The following PRKDC variants were observed in gnomAD, a reference collection of about 807,000 sequenced individuals.
The protein encoded by PRKDC is protein kinase, DNA-activated, catalytic subunit, also known as DNA-dependent protein kinase catalytic subunit.
A neutral mutation model predicts 486.9 loss-of-function variants in PRKDC; 82 were observed. The observed-to-expected ratio is 0.17, with a 90% CI of 0.14 to 0.20. PRKDC has a LOEUF of 0.20. Among genes scored for constraint, PRKDC ranks in the 10% least tolerant of loss-of-function variants. PRKDC has a pLI of 1.00. For missense variants in PRKDC, 4,504 were observed against 5,038.2 expected, an observed-to-expected ratio of 0.89 and a Z score of 3.21; for synonymous variants, 1,895 against 1,837.0, an observed-to-expected ratio of 1.03 and a Z score of -0.81.
intron 21 of PRKDC, among the ~76,000 whole-genome samples, chr8:47,919,007 A>G (rs1018720588): frequency 1.3e-5 from 2 of 152,008 alleles, no homozygotes; most frequent in Non-Finnish European, 2.9e-5. Context: ...TGGAGAGTAT[A>G]TAACTTCTTT....
chr8:47,940,600 C>T lies in PRKDC; in HGVS notation c.967-903G>A, dbSNP rs183887829. ...TAATTTCCTTCTTCACAAAACATATCATAAATGTTTCTCAAGAAGTAAACA... is the reference window on the plus strand; with the variant it reads ...TAATTTCCTTCTTCACAAAACATATTATAAATGTTTCTCAAGAAGTAAACA... On this transcript the variant is annotated intron_variant, in intron 10 of 85. Coordinates refer to ENST00000314191, the MANE Select transcript of PRKDC (RefSeq NM_006904.7). Among the ~76,000 whole-genome samples, 36 of 152,308 alleles carry T rather than the reference C, an allele frequency of 2.4e-4. No homozygotes were observed. In the East Asian group the frequency reaches 6.0e-3, roughly 25 times the overall value.
At chr8:47,859,473 T>C (rs965904039) in intron 46 of PRKDC, 138 bp downstream of exon 46, 35 of 1,035,824 alleles carry the variant, frequency 3.4e-5, no homozygotes, top group Non-Finnish European at 4.8e-5. Context: ...TCTTGGAAAA[T>C]TCTCCAAATT....
At chr8:47,837,626 A>T (rs568602145) in intron 56 of PRKDC, among the ~76,000 whole-genome samples, 24 of 151,954 alleles carry the variant, frequency 1.6e-4, no homozygotes, top group Non-Finnish European at 2.5e-4. Context: ...AAAATGTAGC[A>T]TATTTTTTAT....
chr8:47,886,512 C>A (rs578176675), intron 35 of PRKDC, among the ~76,000 whole-genome samples: 1 of 151,896 alleles, frequency 6.6e-6, no homozygotes, highest in Non-Finnish European at 1.5e-5. Flanking sequence ...GGCCTCAGCA[C>A]CCCCGAGTAT....
intron 21 of PRKDC, among the ~76,000 whole-genome samples, chr8:47,923,253 C>T (rs1267664286): frequency 6.6e-6 from 1 of 151,900 alleles, no homozygotes; most frequent in African/African-American, 2.4e-5. Flanking sequence ...TTAGTAGAGA[C>T]ACGGTTTCAC....
At chr8:47,880,467 C>A (rs1490417892) in intron 38 of PRKDC, among the ~76,000 whole-genome samples, 1 of 152,154 alleles carries the variant, frequency 6.6e-6, no homozygotes, top group Non-Finnish European at 1.5e-5. Context: ...ATTAATCACA[C>A]AGCAGAAAAT....
chr8:47,840,128 GT>G lies in PRKDC; in HGVS notation c.7341del (p.Lys2447AsnfsTer3). 6.3e-7 allele frequency: 1 copy of G among 1,598,436 alleles called. No homozygotes were observed. Among genetic ancestry groups the G allele is most frequent in the Non-Finnish European group, 8.5e-7 (1 of 1,171,242 alleles). On this transcript the variant is annotated frameshift_variant, in exon 55 of 86. Coordinates refer to ENST00000314191, the MANE Select transcript of PRKDC (RefSeq NM_006904.7). LOFTEE classifies it high-confidence loss of function. Reference sequence around the variant, plus strand: ...TTCAGAAGTTCTCGGAGTTCTACTGGTTTTAACTTTGGCATCATCTTATAAA... The same window carrying G: ...TTCAGAAGTTCTCGGAGTTCTACTGGTTTAACTTTGGCATCATCTTATAAA... ...DIIYKMMPKL[K>X]PVELRELLNP...
At chr8:47,918,138 A>G (rs2090016830) in intron 22 of PRKDC, 139 bp downstream of exon 22, 2 of 529,684 alleles carry the variant, frequency 3.8e-6, no homozygotes, top group Non-Finnish European at 6.2e-6. Flanking sequence ...TGGTCAATAT[A>G]TTAAAATTAT....
At chr8:47,950,995 T>TA (rs1302477582) in intron 7 of PRKDC, among the ~76,000 whole-genome samples, 1 of 151,914 alleles carries the variant, frequency 6.6e-6, no homozygotes, top group Admixed American at 6.6e-5. Context: ...ATAAAAAAAA[T>TA]AAAAAAACTG....
rs2088109158 is a variant in PRKDC at position 47,840,170 on chromosome 8, C to T, written c.7300G>A (p.Val2434Ile). ...ATCTTATAAATTATGTCCAAACATA[C>T]TTTTTGTCTTTCATCATCTCTATGG... ...MRHRDDERQKVCLDIIYKMMP... is the reference protein window; with the variant it reads ...MRHRDDERQKICLDIIYKMMP... The change falls in exon 55 of 86, where the codon GTA becomes ATA. Residue 2434 changes from valine to isoleucine, a missense_variant. Coordinates refer to ENST00000314191, the MANE Select transcript of PRKDC (RefSeq NM_006904.7). 6.3e-7 allele frequency: 1 copy of T among 1,597,534 alleles called. No individual in the cohort carries two copies. Among genetic ancestry groups the T allele is most frequent in the Non-Finnish European group, 8.5e-7 (1 of 1,170,724 alleles).
At position 47,774,071 on chromosome 8, in the gene PRKDC, C is replaced by G; in HGVS notation, c.*102G>C. The G allele has an allele frequency of 8.3e-7, 1 of 1,203,144 alleles. No homozygotes were observed. The highest frequency in any genetic ancestry group is 2.6e-5 in the East Asian group (1 of 39,010). The allele number at this position is 1,203,144 out of a possible 1,614,324, so 74.5% of individuals were successfully genotyped here. ...AAACTGTAGCACAAAAGACATTTCTCTTTAGTGTTTCAGGAAAATCAGCTC... is the reference window on the plus strand; with the variant it reads ...AAACTGTAGCACAAAAGACATTTCTGTTTAGTGTTTCAGGAAAATCAGCTC... On this transcript the variant is annotated 3_prime_UTR_variant, in exon 86 of 86. Transcript: ENST00000314191.
In PRKDC at chr8:47,849,164, T is replaced by A. The variant is rs373353749; in HGVS notation, c.7270A>T (p.Met2424Leu). Residue 2424 changes from methionine (M) to leucine (L), a missense_variant, in exon 54 of 86, where the codon ATG (methionine) becomes TTG (leucine). By Grantham distance (15) the Met-to-Leu change is conservative (BLOSUM62 2). This residue lies in a region of PRKDC where 1,592 missense variants were observed against 1,724.6 expected (regional missense o/e 0.92). Coordinates refer to ENST00000314191, the MANE Select transcript of PRKDC (RefSeq NM_006904.7). ...QLKSKDFVQV[M>L]RHRDDERQKV... The stretch of plus-strand genomic sequence containing the variant: ...CTAGTGTTCACTCACCTATGTCTCA[T>A]GACTTGAACGAAGTCCTTGCTCTTT... 5.5e-5 allele frequency: 89 copies of A among 1,613,924 alleles called. No individual in the cohort carries two copies. Among genetic ancestry groups the A allele is most frequent in the Non-Finnish European group, 7.4e-5 (87 of 1,179,888 alleles).
intron 1 of PRKDC, among the ~76,000 whole-genome samples, chr8:47,959,732 A>C (rs1367127823): frequency 3.9e-5 from 6 of 152,154 alleles, no homozygotes; most frequent in Non-Finnish European, 8.8e-5. Flanking sequence ...CATAGCAATG[A>C]TTGCCATATT....
chr8:47,882,041 C>T lies in PRKDC; in HGVS notation c.4833G>A (p.Gln1611=). Reference sequence around the variant, plus strand: ...TCGCAAGTTTCAGTCCTTGGTGTTTCTGGTTTGCTCGCTCCCTGAAGCTCT... The same window carrying T: ...TCGCAAGTTTCAGTCCTTGGTGTTTTTGGTTTGCTCGCTCCCTGAAGCTCT... ...LDQSFRERAN[Q]KHQGLKLATT... Residue 1611 remains glutamine (Q), a synonymous_variant, in exon 37 of 86, where the codon CAG becomes CAA. Coordinates refer to ENST00000314191, the MANE Select transcript of PRKDC (RefSeq NM_006904.7). 1 of 1,614,012 alleles carries T rather than the reference C, an allele frequency of 6.2e-7. No homozygotes were observed. Among genetic ancestry groups the T allele is most frequent in the East Asian group, 2.2e-5 (1 of 44,880 alleles).
At chr8:47,853,417 T>C (rs1028497084) in intron 51 of PRKDC, among the ~76,000 whole-genome samples, 5 of 152,126 alleles carry the variant, frequency 3.3e-5, no homozygotes, top group Non-Finnish European at 7.4e-5. Flanking sequence ...GAGAGAGTGA[T>C]TGGGCAGGGC....
intron 10 of PRKDC, among the ~76,000 whole-genome samples, chr8:47,942,840 G>A (rs2090468299): frequency 6.6e-6 from 1 of 152,220 alleles, no homozygotes; most frequent in Non-Finnish European, 1.5e-5. Flanking sequence ...TTTTCAAGTT[G>A]ACACACAAGC....
chr8:47,956,348 C>A (rs577379978), intron 3 of PRKDC, among the ~76,000 whole-genome samples: 1 of 151,756 alleles, frequency 6.6e-6, no homozygotes, highest in African/African-American at 2.4e-5. Flanking sequence ...AAAGTATTCA[C>A]GGGACTCTGT....
At chr8:47,841,710 C>T (rs1053224560) in intron 54 of PRKDC, among the ~76,000 whole-genome samples, 2 of 152,218 alleles carry the variant, frequency 1.3e-5, no homozygotes, top group African/African-American at 4.8e-5. Context: ...CTGGGTAAGT[C>T]CCCTTCCACA....
intron 20 of PRKDC, among the ~76,000 whole-genome samples, 157 bp downstream of exon 20, chr8:47,927,614 A>G (rs577607864): frequency 1.4e-4 from 22 of 152,300 alleles, no homozygotes; most frequent in African/African-American, 4.6e-4. Context: ...CAAGGGTCTA[A>G]GTCCCAAAGC....
Sources: allele counts gnomAD v4.1 joint callset (sites outside exome capture counted in the v4.1 genomes callset), GRCh38; gene constraint gnomAD v4.1.1; regional missense constraint gnomAD v4.1.1; transcripts MANE v1.5; gene names NCBI Gene and HGNC (gene_info 2026-07-23, HGNC 2026-07-21).